Variants in PDE1B observed in about 807,000 individuals in gnomAD.
The protein encoded by PDE1B is dual specificity calcium/calmodulin-dependent 3',5'-cyclic nucleotide phosphodiesterase 1B.
In PDE1B, 13 loss-of-function variants were observed where a neutral mutation model predicts 66.7. That is an observed-to-expected ratio of 0.19 (90% CI 0.13 to 0.31). The LOEUF is 0.31. Among genes scored for constraint, PDE1B ranks in the 10% least tolerant of loss-of-function variants. PDE1B has a pLI of 1.00. For missense variants in PDE1B, 485 were observed against 682.3 expected, an observed-to-expected ratio of 0.71 and a Z score of 3.22; for synonymous variants, 230 against 253.9, an observed-to-expected ratio of 0.91 and a Z score of 0.90.
intron 6 of PDE1B, 24 bp from the exon 7 acceptor site, chr12:54,572,577 T>G: frequency 6.2e-7 from 1 of 1,609,242 alleles, no homozygotes; most frequent in Non-Finnish European, 8.5e-7. Context: ...TTGATATATC[T>G]CCATTTCCCC....
chr12:54,570,422 A>G, intron 6 of PDE1B, 65 bp downstream of exon 6: 1 of 924,352 alleles, frequency 1.1e-6, no homozygotes, highest in Non-Finnish European at 1.8e-6. Context: ...CTGTTCTAAA[A>G]GCCTCCCAAC....
In PDE1B at chr12:54,573,134, C is replaced by T. The variant is rs755746773; in HGVS notation, c.736-14C>T. 2.5e-6 allele frequency: 4 copies of T among 1,603,414 alleles called. No individual in the cohort carries two copies. Among genetic ancestry groups the T allele is most frequent in the South Asian group, 2.2e-5 (2 of 90,850 alleles). ...GCGTCACCCCTCTCTCATTCTTTCT[C>T]TTTCCTCCTGTAGCACTGCCTGTCG... is the stretch of plus-strand genomic sequence containing the variant. On this transcript the variant is annotated splice_polypyrimidine_tract_variant and intron_variant, in intron 7 of 15. Coordinates refer to ENST00000243052, the MANE Select transcript of PDE1B (RefSeq NM_000924.4). This position sits in a 1 kb window ranked among gnomAD's most constrained non-coding sequence, Gnocchi z 5.2.
rs2121165444 is a variant in PDE1B, at chr12:54,575,848, C to A, written c.1268-144C>A. On this transcript the variant is annotated intron_variant, in intron 12 of 15. Transcript: ENST00000243052. This position sits in a 1 kb window ranked among gnomAD's most constrained non-coding sequence, Gnocchi z 4.0. ...CCAAGACATCATCCCAAAGCCTGCC[C>A]TGCATTGGGAAGTTTTCAGCCCCAG... 1.3e-6 allele frequency: 1 copy of A among 759,796 alleles called. No individual in the cohort carries two copies. Among genetic ancestry groups the A allele is most frequent in the Non-Finnish European group, 2.3e-6 (1 of 433,308 alleles). 47.1% of individuals were successfully genotyped at this position (759,796 alleles called of 1,614,324 possible). A position where few individuals can be genotyped will look rare whatever the true frequency, so the allele number is the denominator to read the frequency against.
chr12:54,575,088 C>T lies in PDE1B; in HGVS notation c.1065-10C>T. On this transcript the variant is annotated splice_polypyrimidine_tract_variant and intron_variant, in intron 10 of 15. Transcript: ENST00000243052. The surrounding 1 kb of genome is among the most constrained non-coding windows in gnomAD (Gnocchi z 4.0). ...TCAGTCTCCCTTCCCTTGCCATCTG[C>T]CCCAACCAGGATTGACAAGCCCAAG... 6.2e-7 allele frequency: 1 copy of T among 1,613,328 alleles called. No individual in the cohort carries two copies. Among genetic ancestry groups the T allele is most frequent in the South Asian group, 1.1e-5 (1 of 90,968 alleles).
intron 2 of PDE1B, among the ~76,000 whole-genome samples, chr12:54,560,890 C>T (rs980584065): frequency 2.0e-5 from 3 of 152,114 alleles, no homozygotes; most frequent in Admixed American, 1.3e-4. Flanking sequence ...AGCGAGTTCT[C>T]TTGACTTTCC....
In PDE1B at chr12:54,579,134, C is replaced by T. The variant is rs1251501317; in HGVS notation, c.*1292C>T. 4.1e-6 allele frequency: 2 copies of T among 482,930 alleles called. No individual in the cohort carries two copies. The highest frequency in any genetic ancestry group is 1.5e-4 in the East Asian group (1 of 6,536). 29.9% of individuals were successfully genotyped at this position (482,930 alleles called of 1,614,324 possible). ...CCTAGACCTGCTACCCTGGTACTTC[C>T]ACCCTACCCCACCCCGAGAAGGGCA... On this transcript the variant is annotated 3_prime_UTR_variant, in exon 16 of 16. Transcript: ENST00000243052.
intron 2 of PDE1B, chr12:54,561,614 C>T: frequency 6.5e-7 from 1 of 1,532,780 alleles, no homozygotes; most frequent in Non-Finnish European, 8.7e-7. Context: ...TTCAGAGGAG[C>T]CACCTCCAGG....
chr12:54,555,745 C>A (rs183883530), intron 2 of PDE1B, among the ~76,000 whole-genome samples: 2 of 152,304 alleles, frequency 1.3e-5, no homozygotes, highest in Admixed American at 1.3e-4. Flanking sequence ...ATTTTCTCTT[C>A]TTTGATTCTT....
At chr12:54,551,881 A>T (rs1957282590) in intron 2 of PDE1B, among the ~76,000 whole-genome samples, 1 of 152,184 alleles carries the variant, frequency 6.6e-6, no homozygotes, top group Admixed American at 6.5e-5. Flanking sequence ...GTGGACAAGG[A>T]TCCCTATTCT....
intron 3 of PDE1B, 28 bp downstream of exon 3, chr12:54,567,115 A>C (rs1957529089): frequency 8.4e-7 from 1 of 1,183,866 alleles, no homozygotes; most frequent in African/African-American, 1.5e-5. Context: ...ACAGAGAAGG[A>C]GAAAGATGTC....
intron 6 of PDE1B, chr12:54,571,099 C>T (rs1957607812): frequency 6.6e-6 from 1 of 152,264 alleles, no homozygotes; most frequent in East Asian, 1.9e-4. Context: ...CGTGGATGAT[C>T]TGAAGGGCCA....
In PDE1B at chr12:54,577,362, G is replaced by A; in HGVS notation, c.*17+17G>A. 1 of 1,611,576 alleles carries A rather than the reference G, an allele frequency of 6.2e-7. No individual in the cohort carries two copies. Among genetic ancestry groups the A allele is most frequent in the Non-Finnish European group, 8.5e-7 (1 of 1,178,378 alleles). ...CTGGCCCAGGTGAGCCTGTTGTGGT[G>A]GAGGGTGTAGGAGAGCTGGTGTCTA... On this transcript the variant is annotated intron_variant, in intron 15 of 15. Transcript: ENST00000243052.
chr12:54,553,146 G>A (rs1957300719), intron 2 of PDE1B, among the ~76,000 whole-genome samples: 1 of 139,348 alleles, frequency 7.2e-6, no homozygotes, highest in Non-Finnish European at 1.6e-5. Context: ...GAGGCAGGGG[G>A]CTCTGTATTC....
chr12:54,576,135 C>T, intron 13 of PDE1B, 35 bp downstream of exon 13: 1 of 1,280,948 alleles, frequency 7.8e-7, no homozygotes, highest in Non-Finnish European at 1.1e-6. Flanking sequence ...TATCTTGGTT[C>T]AGGAAGGCAG....
At chr12:54,570,395 C>A in intron 6 of PDE1B, 38 bp downstream of exon 6, 1 of 1,092,874 alleles carries the variant, frequency 9.2e-7, no homozygotes, top group Non-Finnish European at 1.4e-6. Flanking sequence ...AGGCAGGATT[C>A]TCCACTCCTC....
Position 54,573,870 on chromosome 12 carries a change from A to AGTGTGTGTGT in PDE1B, c.1064+194_1064+203dup, listed in dbSNP as rs1555175896. On this transcript the variant is annotated intron_variant, in intron 10 of 15. Coordinates refer to ENST00000243052, the MANE Select transcript of PDE1B (RefSeq NM_000924.4). The surrounding 1 kb of genome is among the most constrained non-coding windows in gnomAD (Gnocchi z 5.2). ...GCATCTCTATGTGAGAGAGAGAGAG[A>AGTGTGTGTGT]GTGTGTGTGTGTGTGTGTGTGTGTG... is the stretch of plus-strand genomic sequence containing the variant. The AGTGTGTGTGT allele has an allele frequency of 1.8e-5, 9 of 501,994 alleles. No individual in the cohort carries two copies. The highest frequency in any genetic ancestry group is 2.8e-5 in the Non-Finnish European group (8 of 282,454). 31.1% of individuals were successfully genotyped at this position (501,994 alleles called of 1,614,324 possible). A position where few individuals can be genotyped will look rare whatever the true frequency, so the allele number is the denominator to read the frequency against.
Position 54,569,421 on chromosome 12 carries a change from C to T in PDE1B, c.410+55C>T. The T allele has an allele frequency of 1.3e-6, 2 of 1,589,316 alleles. No individual in the cohort carries two copies. Among genetic ancestry groups the T allele is most frequent in the Non-Finnish European group, 1.7e-6 (2 of 1,165,502 alleles). On this transcript the variant is annotated intron_variant, in intron 4 of 15. Transcript: ENST00000243052. This position sits in a 1 kb window ranked among gnomAD's most constrained non-coding sequence, Gnocchi z 4.4. Reference sequence around the variant, plus strand: ...TGCCTTTAGCTGTGCCCCTCTTTCCCAGCCACCCTGGTCTTCCATGACCAC... The same window carrying T: ...TGCCTTTAGCTGTGCCCCTCTTTCCTAGCCACCCTGGTCTTCCATGACCAC...
At chr12:54,565,085 G>T (rs770253823) in intron 2 of PDE1B, among the ~76,000 whole-genome samples, 1 of 152,208 alleles carries the variant, frequency 6.6e-6, no homozygotes, top group African/African-American at 2.4e-5. Context: ...AATGAGTGCC[G>T]TGGGTGTGGC....
Position 54,570,141 on chromosome 12 carries a change from C to G in PDE1B, c.478-100C>G, listed in dbSNP as rs1028635273. The G allele has an allele frequency of 1.4e-5, 10 of 734,370 alleles. No homozygotes were observed. The African/African-American group carries it at 1.7e-4, about 13-fold the overall frequency. 45.5% of individuals were successfully genotyped at this position (734,370 alleles called of 1,614,324 possible). ...CACACTTTACCATTTCTTTGCTTTC[C>G]TATTTACCAAGACTTTGTACTCATG... On this transcript the variant is annotated intron_variant, in intron 5 of 15. Coordinates refer to ENST00000243052, the MANE Select transcript of PDE1B (RefSeq NM_000924.4).
Sources: allele counts gnomAD v4.1 joint callset (sites outside exome capture counted in the v4.1 genomes callset), GRCh38; gene constraint gnomAD v4.1.1; non-coding constraint Gnocchi (gnomAD v3.1); transcripts MANE v1.5; gene names NCBI Gene and HGNC (gene_info 2026-07-23, HGNC 2026-07-21).